TMEFF2: variants seen among roughly 807,000 people sequenced by gnomAD.
TMEFF2 encodes the protein tomoregulin-2.
A neutral mutation model predicts 53.8 loss-of-function variants in TMEFF2; 28 were observed. That is an observed-to-expected ratio of 0.52 (90% CI 0.39 to 0.71). The LOEUF (loss-of-function observed/expected upper bound fraction) is 0.71. TMEFF2 is among the 30% of genes least tolerant of loss of function. The pLI is 0.00. For synonymous variants in TMEFF2, 162 were observed against 166.3 expected, an observed-to-expected ratio of 0.97 and a Z score of 0.20; for missense variants, 353 against 455.2, an observed-to-expected ratio of 0.78 and a Z score of 2.04.
rs555471676 is a variant in TMEFF2 at position 192,063,662 on chromosome 2, T to C, written c.440-5887A>G. ...ACTGAGAAAATAGTGTTAAAATCTA[T>C]ATTGGTGACAGTAAATTTGCGTCTA... On this transcript the variant is annotated intron_variant, in intron 4 of 9. Coordinates refer to ENST00000272771, the MANE Select transcript of TMEFF2 (RefSeq NM_016192.4). 2.0e-5 allele frequency among the ~76,000 whole-genome samples: 3 copies of C among 151,984 alleles called. No homozygotes were observed. In the East Asian group the frequency reaches 5.8e-4, roughly 29 times the overall value.
intron 4 of TMEFF2, among the ~76,000 whole-genome samples, chr2:192,136,478 C>T (rs1468223291): frequency 6.6e-6 from 1 of 152,068 alleles, no homozygotes; most frequent in African/African-American, 2.4e-5. Context: ...TAGCACTTAC[C>T]TGTATTTTAG....
intron 7 of TMEFF2, among the ~76,000 whole-genome samples, chr2:191,958,877 C>T (rs1692184535): frequency 6.6e-6 from 1 of 152,044 alleles, no homozygotes; most frequent in African/African-American, 2.4e-5. Context: ...ATAGTCAATC[C>T]AACCAAGTAA....
chr2:192,131,663 C>G (rs1689833728), intron 4 of TMEFF2, among the ~76,000 whole-genome samples: 1 of 152,144 alleles, frequency 6.6e-6, no homozygotes, highest in Non-Finnish European at 1.5e-5. Flanking sequence ...TGTCTCTACT[C>G]TTTTCCCTGG....
chr2:192,051,667 G>A (rs1687776924), intron 5 of TMEFF2, among the ~76,000 whole-genome samples: 1 of 152,058 alleles, frequency 6.6e-6, no homozygotes, highest in African/African-American at 2.4e-5. Flanking sequence ...ATCATCCATG[G>A]CCATTGCCCC....
chr2:191,990,497 G>C (rs1246159072), intron 7 of TMEFF2, among the ~76,000 whole-genome samples: 1 of 146,952 alleles, frequency 6.8e-6, no homozygotes, highest in Non-Finnish European at 1.5e-5. Flanking sequence ...ATTGTGCCTT[G>C]AAATTATACA....
intron 5 of TMEFF2, among the ~76,000 whole-genome samples, chr2:192,050,366 GAA>G (rs1423764972): frequency 3.9e-5 from 6 of 152,154 alleles, no homozygotes; most frequent in Non-Finnish European, 7.3e-5. Flanking sequence ...GAATTTATGT[GAA>G]AACCCATTTT....
chr2:192,010,966 A>G (rs1388091728), intron 5 of TMEFF2, among the ~76,000 whole-genome samples: 3 of 152,190 alleles, frequency 2.0e-5, no homozygotes, highest in Non-Finnish European at 4.4e-5. Context: ...CAGATAAGTC[A>G]AGTAACTCAG....
intron 5 of TMEFF2, among the ~76,000 whole-genome samples, chr2:192,012,011 C>T (rs1299049187): frequency 4.6e-5 from 7 of 152,082 alleles, no homozygotes; most frequent in Admixed American, 6.6e-5. Context: ...CTCAGCCTCT[C>T]GAGTAGCTGG....
At chr2:192,159,962 G>GATAATT (rs1160067485) in intron 4 of TMEFF2, among the ~76,000 whole-genome samples, 1 of 152,154 alleles carries the variant, frequency 6.6e-6, no homozygotes, top group Non-Finnish European at 1.5e-5. Flanking sequence ...TAGGGCCAGT[G>GATAATT]ATAATTACTG....
chr2:192,097,822 A>C (rs898705013), intron 4 of TMEFF2, among the ~76,000 whole-genome samples: 7 of 152,198 alleles, frequency 4.6e-5, no homozygotes, highest in Admixed American at 1.3e-4. Context: ...AAAATTTTAT[A>C]AATGAATTAA....
At chr2:192,141,477 A>G (rs1027386353) in intron 4 of TMEFF2, among the ~76,000 whole-genome samples, 10 of 151,930 alleles carry the variant, frequency 6.6e-5, no homozygotes, top group South Asian at 6.2e-4. Flanking sequence ...AAAAAAAAAA[A>G]AAGAAGTGTA....
intron 7 of TMEFF2, among the ~76,000 whole-genome samples, chr2:191,971,871 C>T (rs1321501610): frequency 1.3e-5 from 2 of 151,998 alleles, no homozygotes; most frequent in African/African-American, 2.4e-5. Context: ...TGCTCAGATA[C>T]AGAATAGTAG....
At chr2:192,169,762 G>C (rs747641716) in intron 4 of TMEFF2, among the ~76,000 whole-genome samples, 1 of 152,002 alleles carries the variant, frequency 6.6e-6, no homozygotes, top group Non-Finnish European at 1.5e-5. Flanking sequence ...AATCCACAGA[G>C]TGTGCTGACT....
At chr2:191,996,002 C>T (rs1229221689) in intron 7 of TMEFF2, among the ~76,000 whole-genome samples, 1 of 150,032 alleles carries the variant, frequency 6.7e-6, no homozygotes, top group Non-Finnish European at 1.5e-5. Context: ...TCTTCCTATG[C>T]CTAATAAAGC....
intron 7 of TMEFF2, among the ~76,000 whole-genome samples, chr2:191,994,393 A>C (rs1321112520): frequency 2.0e-5 from 3 of 151,882 alleles, no homozygotes; most frequent in Non-Finnish European, 4.4e-5. Context: ...ATATCTAACA[A>C]CTTATAAAAT....
chr2:192,009,592 CAATTTACTTTA>C (rs1232382059), intron 5 of TMEFF2, among the ~76,000 whole-genome samples: 2 of 151,932 alleles, frequency 1.3e-5, no homozygotes, highest in African/African-American at 2.4e-5. Context: ...ATTTTGGGGT[CAATTTACTTTA>C]AATTTACTTT....
At chr2:192,122,264 G>C (rs925819749) in intron 4 of TMEFF2, among the ~76,000 whole-genome samples, 2 of 151,986 alleles carry the variant, frequency 1.3e-5, no homozygotes, top group African/African-American at 4.8e-5. Context: ...AACAGAATTT[G>C]ATTTTCTTAA....
chr2:192,000,558 T>A (rs1039131526), intron 5 of TMEFF2, among the ~76,000 whole-genome samples: 2 of 152,128 alleles, frequency 1.3e-5, no homozygotes, highest in African/African-American at 4.8e-5. Flanking sequence ...AAATCTAGGG[T>A]AGCTTCTAAC....
At chr2:192,048,903 C>T (rs902535819) in intron 5 of TMEFF2, among the ~76,000 whole-genome samples, 2 of 152,142 alleles carry the variant, frequency 1.3e-5, no homozygotes, top group Non-Finnish European at 2.9e-5. Context: ...TGATTGGATG[C>T]ATGCATAACC....
Sources: gnomAD v4.1 joint callset for allele counts (sites outside exome capture counted in the v4.1 genomes callset) on GRCh38, gnomAD v4.1.1 for gene constraint, MANE v1.5 for transcripts, NCBI Gene and HGNC (gene_info 2026-07-23, HGNC 2026-07-21) for gene names.